ISY1: variants seen among roughly 807,000 people sequenced by gnomAD.
ISY1 encodes the protein pre-mRNA-splicing factor ISY1 homolog.
ISY1 carries 12 observed loss-of-function variants against 54.4 expected under a neutral mutation model. That is an observed-to-expected ratio of 0.22 (90% CI 0.14 to 0.36). The LOEUF is 0.36. Among genes scored for constraint, ISY1 ranks in the 10% least tolerant of loss-of-function variants. The pLI is 1.00. For synonymous variants in ISY1, 96 were observed against 117.9 expected (o/e 0.81, Z 1.20); for missense variants, 282 against 342.2 (o/e 0.82, Z 1.39).
chr3:129,144,958 T>C (rs547113902), intron 6 of ISY1, among the ~76,000 whole-genome samples: 1 of 152,334 alleles, frequency 6.6e-6, no homozygotes, highest in South Asian at 2.1e-4. Flanking sequence ...GCACCCAGGC[T>C]GAGGTGCAAT....
chr3:129,131,151 C>G (rs974545694), intron 9 of ISY1, among the ~76,000 whole-genome samples: 1 of 152,168 alleles, frequency 6.6e-6, no homozygotes, highest in Non-Finnish European at 1.5e-5. Flanking sequence ...ACACCGTGCA[C>G]GACCCATTCC....
intron 5 of ISY1, among the ~76,000 whole-genome samples, chr3:129,155,403 C>T (rs1322447913): frequency 6.6e-6 from 1 of 151,810 alleles, no homozygotes; most frequent in Admixed American, 6.6e-5. Flanking sequence ...CCATGTTGGC[C>T]AGGATAGTCT....
intron 3 of ISY1, 83 bp from the exon 4 acceptor site, chr3:129,157,003 TA>T (rs1937162124): frequency 9.5e-6 from 14 of 1,467,372 alleles, no homozygotes; most frequent in Non-Finnish European, 1.2e-5. Flanking sequence ...GCCTTAAGCC[TA>T]AATCATCTAA....
intron 5 of ISY1, among the ~76,000 whole-genome samples, chr3:129,149,610 A>AAAT (rs1936884507): frequency 8.1e-5 from 2 of 24,628 alleles, no homozygotes; most frequent in African/African-American, 2.4e-4. Flanking sequence ...AAAAAAAAAA[A>AAAT]ATATATATAT....
Position 129,151,169 on chromosome 3 carries a change from A to T in ISY1, c.188-5296T>A, listed in dbSNP as rs537535162. Among the ~76,000 whole-genome samples the T allele has an allele frequency of 4.3e-3, 631 of 147,672 alleles. 5 individuals are homozygous for T. Among genetic ancestry groups the T allele is most frequent in the Admixed American group, 6.4e-3 (94 of 14,690 alleles). On this transcript the variant is annotated intron_variant, in intron 5 of 10. Coordinates refer to ENST00000393295, the MANE Select transcript of ISY1 (RefSeq NM_020701.4). ...AAATATATAAAATATATAAATATAT[A>T]AAAATATATATAAATATATAAAAAT...
At chr3:129,158,154 C>T (rs1432137613) in intron 3 of ISY1, among the ~76,000 whole-genome samples, 2 of 150,920 alleles carry the variant, frequency 1.3e-5, no homozygotes, top group South Asian at 2.1e-4. Context: ...TCACTGCACC[C>T]TACTTTTTTT....
rs776181112 is a variant in ISY1, at chr3:129,146,668, C to T, written c.188-795G>A. On this transcript the variant is annotated intron_variant, in intron 5 of 10. Coordinates refer to ENST00000393295, the MANE Select transcript of ISY1 (RefSeq NM_020701.4). ...CTGCATGTGGAGGTGGTGGCTTTCA[C>T]GGGTATAAAAATCTGCTGCAACTCA... is the stretch of plus-strand genomic sequence containing the variant. Among the ~76,000 whole-genome samples the T allele has an allele frequency of 5.9e-5, 9 of 152,030 alleles. 1 individual carries two copies. The highest frequency in any genetic ancestry group is 1.3e-4 in the Non-Finnish European group (9 of 68,018).
At chr3:129,134,363 T>C (rs772701768) in intron 8 of ISY1, among the ~76,000 whole-genome samples, 168 bp from the exon 9 acceptor site, 2 of 152,214 alleles carry the variant, frequency 1.3e-5, no homozygotes, top group Middle Eastern at 3.2e-3. Flanking sequence ...ATGGTAGTCC[T>C]ACAACAGCTC....
At chr3:129,160,309 A>G (rs535728406) in intron 1 of ISY1, among the ~76,000 whole-genome samples, 1 of 152,042 alleles carries the variant, frequency 6.6e-6, no homozygotes, top group South Asian at 2.1e-4. Flanking sequence ...AGTAGCCAAT[A>G]TTACGTAGTG....
At chr3:129,145,285 C>T (rs552606332) in intron 6 of ISY1, among the ~76,000 whole-genome samples, 7 of 149,958 alleles carry the variant, frequency 4.7e-5, no homozygotes, top group African/African-American at 7.4e-5. Flanking sequence ...AGTGCAGTGG[C>T]GATCTTGGCT....
chr3:129,155,324 A>T (rs1452763992), intron 5 of ISY1, among the ~76,000 whole-genome samples: 1 of 151,570 alleles, frequency 6.6e-6, no homozygotes, highest in Non-Finnish European at 1.5e-5. Context: ...CCTCCTGAGT[A>T]GCTGGGATTA....
chr3:129,141,524 G>A (rs906370110), intron 6 of ISY1, among the ~76,000 whole-genome samples: 2 of 151,600 alleles, frequency 1.3e-5, no homozygotes, highest in African/African-American at 4.8e-5. Flanking sequence ...GGAGGCCGAG[G>A]TGGGCGGATC....
intron 5 of ISY1, among the ~76,000 whole-genome samples, chr3:129,152,069 G>A (rs1181761211): frequency 6.6e-6 from 1 of 151,980 alleles, no homozygotes; most frequent in African/African-American, 2.4e-5. Context: ...TGAGGCAGGA[G>A]AATCACTTGA....
intron 5 of ISY1, among the ~76,000 whole-genome samples, chr3:129,147,748 C>CA (rs1387185210): frequency 3.9e-5 from 6 of 152,062 alleles, no homozygotes; most frequent in Non-Finnish European, 7.4e-5. Context: ...TCCATCGCCC[C>CA]AAAACATTCC....
At chr3:129,160,229 A>G (rs984935647) in intron 1 of ISY1, among the ~76,000 whole-genome samples, 2 of 152,008 alleles carry the variant, frequency 1.3e-5, no homozygotes, top group Non-Finnish European at 2.9e-5. Flanking sequence ...ATGGCTTCCA[A>G]TATATCTCTT....
At position 129,134,831 on chromosome 3, in the gene ISY1, C is replaced by A. The variant is rs1936342431; in HGVS notation, c.541+1G>T. On this transcript the variant is annotated splice_donor_variant, in intron 8 of 10. Coordinates refer to ENST00000393295, the MANE Select transcript of ISY1 (RefSeq NM_020701.4). LOFTEE classifies it high-confidence loss of function. The stretch of plus-strand genomic sequence containing the variant: ...ATGAAATAAAATGCCCAGAGACCTA[C>A]GTTTCTTTTCATATTCCTGTTCCAA... 6.2e-7 allele frequency: 1 copy of A among 1,604,868 alleles called. No homozygotes were observed. The highest frequency in any genetic ancestry group is 8.5e-7 in the Non-Finnish European group (1 of 1,174,324).
chr3:129,132,040 G>A (rs1186256680), intron 9 of ISY1, among the ~76,000 whole-genome samples: 3 of 152,016 alleles, frequency 2.0e-5, no homozygotes, highest in Admixed American at 1.3e-4. Flanking sequence ...TGTGTTGCCA[G>A]ACTGGTCTTG....
At chr3:129,156,529 T>G in intron 5 of ISY1, 104 bp downstream of exon 5, 5 of 1,208,334 alleles carry the variant, frequency 4.1e-6, no homozygotes, top group Non-Finnish European at 5.9e-6. Flanking sequence ...CTTACTGATT[T>G]ACTATCTACT....
chr3:129,155,807 C>T (rs1056245435), intron 5 of ISY1, among the ~76,000 whole-genome samples: 4 of 151,656 alleles, frequency 2.6e-5, no homozygotes, highest in Admixed American at 6.6e-5. Flanking sequence ...CTGTAACCTC[C>T]GCCCGTTAGG....
Sources: allele counts gnomAD v4.1 joint callset (sites outside exome capture counted in the v4.1 genomes callset), GRCh38; gene constraint gnomAD v4.1.1; transcripts MANE v1.5; gene names NCBI Gene and HGNC (gene_info 2026-07-23, HGNC 2026-07-21).